Variants in RAB31 observed in about 807,000 individuals in gnomAD.
RAB31 encodes ras-related protein Rab-31.
In RAB31, 21 loss-of-function variants were observed where a neutral mutation model predicts 25.6. The ratio of observed to expected loss-of-function variants is 0.82; its 90% CI spans 0.58 to 1.18. The LOEUF (loss-of-function observed/expected upper bound fraction) is 1.18, where lower values mean the gene tolerates loss of function less well. Ranked by LOEUF, RAB31 falls within the 50% of genes most tolerant of loss-of-function variation. The pLI is 0.00. For missense variants in RAB31, 196 were observed against 250.1 expected, an observed-to-expected ratio of 0.78 and a Z score of 1.46; for synonymous variants, 87 against 84.0, an observed-to-expected ratio of 1.04 and a Z score of -0.20.
rs573680371 is a variant in RAB31, at chr18:9,782,026, T to A, written c.119+6669T>A. Among the ~76,000 whole-genome samples the A allele has an allele frequency of 3.4e-4, 52 of 152,252 alleles. No homozygotes were observed. The South Asian group carries it at 8.1e-3, about 24-fold the overall frequency. On this transcript the variant is annotated intron_variant, in intron 2 of 6. Coordinates refer to ENST00000578921, the MANE Select transcript of RAB31 (RefSeq NM_006868.4). ...TGCATTCCTGGTTTCTCTTGAAAAA[T>A]CAGTGGGTTTGGAGCCCTGGTGCCC...
intron 1 of RAB31, among the ~76,000 whole-genome samples, chr18:9,760,273 A>T (rs1046003981): frequency 6.6e-6 from 1 of 151,838 alleles, no homozygotes; most frequent in Non-Finnish European, 1.5e-5. Flanking sequence ...TCCCAGCCTC[A>T]AGCGATCCTC....
intron 5 of RAB31, chr18:9,844,832 AGTTTTGTTTTGTTTTGTTTT>A (rs10526414): frequency 0.62 from 93,119 of 149,344 alleles, 29,047 homozygotes; most frequent in South Asian, 0.77. Flanking sequence ...CGTTCAGGTG[AGTTTTGTTTTGTTTTGTTTT>A]GTTTTGTTTT....
intron 2 of RAB31, among the ~76,000 whole-genome samples, chr18:9,784,660 C>G (rs1165287568): frequency 6.6e-6 from 1 of 150,862 alleles, no homozygotes; most frequent in Non-Finnish European, 1.5e-5. Flanking sequence ...TCAAGTGATT[C>G]TCCTGCCTCA....
intron 1 of RAB31, among the ~76,000 whole-genome samples, chr18:9,739,860 G>A (rs994351324): frequency 6.6e-6 from 1 of 152,244 alleles, no homozygotes; most frequent in Non-Finnish European, 1.5e-5. Context: ...CAGGGGCCCA[G>A]CTAAAACTCA....
At chr18:9,820,038 G>C (rs574814079) in intron 5 of RAB31, among the ~76,000 whole-genome samples, 64 of 151,940 alleles carry the variant, frequency 4.2e-4, no homozygotes, top group African/African-American at 1.5e-3. Flanking sequence ...TCCAATATGG[G>C]TGCCTTTTAG....
rs117646019 is a variant in RAB31 at position 9,844,532 on chromosome 18, C to T, written c.381-1050C>T. 6.0e-3 allele frequency among the ~76,000 whole-genome samples: 918 copies of T among 152,278 alleles called. 3 individuals carry two copies. Among genetic ancestry groups the T allele is most frequent in the Non-Finnish European group, 0.01 (702 of 68,026 alleles). ...CCTCTGCTCCTGAAGCACTTTATGTCGCAGTGTTGTGGATTAGAGTGCCCC... is the reference window on the plus strand; with the variant it reads ...CCTCTGCTCCTGAAGCACTTTATGTTGCAGTGTTGTGGATTAGAGTGCCCC... On this transcript the variant is annotated intron_variant, in intron 5 of 6. Transcript: ENST00000578921.
chr18:9,760,655 C>T (rs542443293), intron 1 of RAB31, among the ~76,000 whole-genome samples: 47 of 152,258 alleles, frequency 3.1e-4, no homozygotes, highest in African/African-American at 1.1e-3. Flanking sequence ...CTCTGTCTGT[C>T]GGGTCCCAGG....
intron 6 of RAB31, among the ~76,000 whole-genome samples, 147 bp from the exon 7 acceptor site, chr18:9,859,072 GAGGAAGGAA>G (rs1451698732): frequency 6.6e-6 from 1 of 152,158 alleles, no homozygotes; most frequent in African/African-American, 2.4e-5. Flanking sequence ...AGAAGGAAGG[GAGGAAGGAA>G]AGGAAGGAAG....
intron 1 of RAB31, among the ~76,000 whole-genome samples, chr18:9,746,060 T>C (rs1030269115): frequency 1.3e-5 from 2 of 152,198 alleles, no homozygotes; most frequent in Non-Finnish European, 2.9e-5. Context: ...AACTAATACA[T>C]TCAGTGAAGT....
At chr18:9,829,403 T>A (rs186016722) in intron 5 of RAB31, among the ~76,000 whole-genome samples, 154 of 152,376 alleles carry the variant, frequency 1.0e-3, no homozygotes, top group Middle Eastern at 3.4e-3. Context: ...TTCTACATAT[T>A]CATTGCTGTC....
chr18:9,715,128 G>T (rs76077006), intron 1 of RAB31, among the ~76,000 whole-genome samples: 18,407 of 152,134 alleles, frequency 0.12, 1,183 homozygotes, highest in South Asian at 0.23. Context: ...ATGGGTGTGA[G>T]GCAGGAGGTG....
intron 1 of RAB31, among the ~76,000 whole-genome samples, chr18:9,710,700 A>G (rs1319476338): frequency 6.6e-6 from 1 of 152,040 alleles, no homozygotes; most frequent in Non-Finnish European, 1.5e-5. Context: ...TAAAAATACA[A>G]AAAAAAGTTA....
intron 1 of RAB31, chr18:9,774,792 A>G (rs2068363552): frequency 2.0e-6 from 1 of 505,088 alleles, no homozygotes; most frequent in Non-Finnish European, 3.9e-6. Flanking sequence ...TTACCCAACC[A>G]TCAGATTCTA....
At position 9,812,857 on chromosome 18, in the gene RAB31, C is replaced by G. The variant is rs529970889; in HGVS notation, c.202-1163C>G. ...GGATTACAGGCATCTGCCACCATGC[C>G]CAGCTAATTTTTGTATTTTTAGTTG... is the stretch of plus-strand genomic sequence containing the variant. On this transcript the variant is annotated intron_variant, in intron 3 of 6. Coordinates refer to ENST00000578921, the MANE Select transcript of RAB31 (RefSeq NM_006868.4). Among the ~76,000 whole-genome samples the G allele has an allele frequency of 3.3e-5, 5 of 152,056 alleles. No homozygotes were observed. In the South Asian group the frequency reaches 1.0e-3, roughly 32 times the overall value.
intron 1 of RAB31, among the ~76,000 whole-genome samples, chr18:9,768,583 A>C (rs2145487368): frequency 6.6e-6 from 1 of 151,882 alleles, no homozygotes; most frequent in Non-Finnish European, 1.5e-5. Context: ...TTCTTTGTAG[A>C]TTCTGGATAT....
chr18:9,824,216 A>ATG (rs72002062), intron 5 of RAB31, among the ~76,000 whole-genome samples: 12,330 of 151,276 alleles, frequency 0.082, 774 homozygotes, highest in East Asian at 0.36. Flanking sequence ...ATGTGTTTGT[A>ATG]TGTGTGTGTG....
intron 2 of RAB31, among the ~76,000 whole-genome samples, chr18:9,786,370 C>A (rs1367700113): frequency 6.6e-6 from 1 of 152,244 alleles, no homozygotes; most frequent in Non-Finnish European, 1.5e-5. Context: ...TTATGAGAAA[C>A]TGGTCACTAT....
At position 9,732,803 on chromosome 18, in the gene RAB31, C is replaced by G. The variant is rs532618897; in HGVS notation, c.39+24359C>G. Among the ~76,000 whole-genome samples, 4 of 152,306 alleles carry G rather than the reference C, an allele frequency of 2.6e-5. No homozygotes were observed. The South Asian group carries it at 8.3e-4, about 32-fold the overall frequency. ...TCCTCATGCAACAGTATTGACTGAG[C>G]CACTGTAAACACACAAGAGTTTTGC... On this transcript the variant is annotated intron_variant, in intron 1 of 6. Transcript: ENST00000578921.
At chr18:9,825,879 A>T (rs1291729535) in intron 5 of RAB31, among the ~76,000 whole-genome samples, 1 of 152,164 alleles carries the variant, frequency 6.6e-6, no homozygotes, top group African/African-American at 2.4e-5. Flanking sequence ...TTATAAGGGG[A>T]AGTAAGCATT....
Sources: allele counts gnomAD v4.1 joint callset (sites outside exome capture counted in the v4.1 genomes callset), GRCh38; gene constraint gnomAD v4.1.1; transcripts MANE v1.5; gene names NCBI Gene and HGNC (gene_info 2026-07-23, HGNC 2026-07-21).